Variants in MTRF1L observed in about 807,000 individuals in gnomAD.
MTRF1L encodes the protein peptide chain release factor 1-like, mitochondrial.
MTRF1L carries 29 observed loss-of-function variants against 40.0 expected under a neutral mutation model. The ratio of observed to expected loss-of-function variants is 0.73; its 90% CI spans 0.54 to 0.99. The LOEUF is 0.99. Among genes scored for constraint, MTRF1L ranks in the 50% least tolerant of loss-of-function variants. The pLI, the probability that MTRF1L is intolerant of heterozygous loss-of-function variation, is 0.00. For synonymous variants in MTRF1L, 150 were observed against 175.8 expected, an observed-to-expected ratio of 0.85 and a Z score of 1.16; for missense variants, 412 against 464.5, an observed-to-expected ratio of 0.89 and a Z score of 1.04.
Position 152,989,848 on chromosome 6 carries a change from C to G in MTRF1L, c.*47G>C. The G allele has an allele frequency of 6.5e-7, 1 of 1,541,938 alleles. No individual in the cohort carries two copies. The highest frequency in any genetic ancestry group is 1.3e-5 in the South Asian group (1 of 76,926). Reference sequence around the variant, plus strand: ...GGTACTTTCACCCTATGTGGATGTACTGTAGAATTTTTCTAAGCTACGAAA... The same window carrying G: ...GGTACTTTCACCCTATGTGGATGTAGTGTAGAATTTTTCTAAGCTACGAAA... On this transcript the variant is annotated 3_prime_UTR_variant, in exon 7 of 7. Coordinates refer to ENST00000367233, the MANE Select transcript of MTRF1L (RefSeq NM_019041.7).
At chr6:152,993,124 A>G in intron 4 of MTRF1L, 150 bp from the exon 5 acceptor site, 1 of 636,854 alleles carries the variant, frequency 1.6e-6, no homozygotes, top group Non-Finnish European at 2.7e-6. Context: ...GAAGGATACC[A>G]TTTTAAAACT....
intron 1 of MTRF1L, 76 bp downstream of exon 1, chr6:153,002,351 T>C: frequency 6.2e-7 from 1 of 1,606,092 alleles, no homozygotes; most frequent in Non-Finnish European, 8.5e-7. Flanking sequence ...CAAACTCGGG[T>C]AGTGTGGGCA....
At chr6:152,991,435 CAG>C (rs1778512816) in intron 5 of MTRF1L, 114 bp from the exon 6 acceptor site, 9 of 1,206,528 alleles carry the variant, frequency 7.5e-6, no homozygotes, top group South Asian at 1.6e-5. Context: ...GGGGAAAAAA[CAG>C]AGGACTCTAA....
chr6:152,994,551 T>C lies in MTRF1L; in HGVS notation c.649A>G (p.Ser217Gly). The change falls in exon 4 of 7, where the codon AGC (serine) becomes GGC (glycine). Residue 217 changes from serine (S) to glycine (G), a missense_variant. Transcript: ENST00000367233. ...GGTAATATTGCTACAGTCATGGTGC[T>C]AGTATGGACGCGGCCTTGCTTTTCT... The part of the protein sequence containing the change: ...KTEKQGRVHT[S>G]TMTVAILPQP... The C allele has an allele frequency of 6.2e-7, 1 of 1,612,246 alleles. No individual in the cohort carries two copies. The highest frequency in any genetic ancestry group is 8.5e-7 in the Non-Finnish European group (1 of 1,179,920).
At position 152,996,986 on chromosome 6, in the gene MTRF1L, G is replaced by A. The variant is rs150882814; in HGVS notation, c.339+1564C>T. ...GTTTGAGGTACTAAAAAGGGTATCAGTTTGCAAAGAGCCCCATCAGAGCAA... is the reference window on the plus strand; with the variant it reads ...GTTTGAGGTACTAAAAAGGGTATCAATTTGCAAAGAGCCCCATCAGAGCAA... On this transcript the variant is annotated intron_variant, in intron 2 of 6. Transcript: ENST00000367233. 1.9e-3 allele frequency among the ~76,000 whole-genome samples: 292 copies of A among 152,248 alleles called. 1 individual carries two copies. Among genetic ancestry groups the A allele is most frequent in the African/African-American group, 6.7e-3 (280 of 41,554 alleles).
rs1180084167 is a variant in MTRF1L at position 153,002,462 on chromosome 6, T to G, written c.224A>C (p.Glu75Ala). Residue 75 changes from glutamate (E) to alanine (A), a missense_variant, in exon 1 of 7, where the codon GAG becomes GCG. By Grantham distance (107) the Glu-to-Ala change is moderately radical. Transcript: ENST00000367233. ...GTGCTCAGTCTCCCGCAGCTCCCGC[T>G]CCTTCTCGTTCAGCAGTTTGATCAC... ...LAVIKLLNEK[E>A]RELRETEHLL... The G allele has an allele frequency of 1.2e-6, 2 of 1,613,840 alleles. No homozygotes were observed. The highest frequency in any genetic ancestry group is 2.2e-5 in the South Asian group (2 of 91,060).
chr6:153,000,826 G>A (rs898767875), intron 1 of MTRF1L, among the ~76,000 whole-genome samples: 2 of 150,656 alleles, frequency 1.3e-5, no homozygotes, highest in African/African-American at 4.9e-5. Context: ...TTCAGTGTGA[G>A]CTGAAAAGGT....
chr6:152,996,648 C>CTTTA (rs1036684085), intron 2 of MTRF1L, among the ~76,000 whole-genome samples: 9 of 152,144 alleles, frequency 5.9e-5, no homozygotes, highest in African/African-American at 2.2e-4. Context: ...TGCTGTCAAC[C>CTTTA]TTTAGTCTCT....
chr6:152,989,948 T>G lies in MTRF1L; in HGVS notation c.1090A>C (p.Lys364Gln). ...YLLDELVQSLKEYADYESLVE... is the reference protein window; with the variant it reads ...YLLDELVQSLQEYADYESLVE... ...AAAGATTCATAATCGGCGTATTCCT[T>G]CAATGACTGTACAAGTTCATCCAGT... Residue 364 changes from lysine (K) to glutamine (Q), a missense_variant, in exon 7 of 7, where the codon AAG becomes CAG. By Grantham distance (53) the Lys-to-Gln change is moderately conservative. Coordinates refer to ENST00000367233, the MANE Select transcript of MTRF1L (RefSeq NM_019041.7). 2.5e-6 allele frequency: 4 copies of G among 1,613,648 alleles called. No individual in the cohort carries two copies. Among genetic ancestry groups the G allele is most frequent in the Non-Finnish European group, 3.4e-6 (4 of 1,179,822 alleles).
chr6:152,998,372 C>T (rs568782664), intron 2 of MTRF1L, 178 bp downstream of exon 2: 142 of 439,998 alleles, frequency 3.2e-4, no homozygotes, highest in Non-Finnish European at 5.2e-4. Flanking sequence ...ACATCATATA[C>T]CTTAAATATA....
chr6:152,991,423 G>A, intron 5 of MTRF1L, 102 bp from the exon 6 acceptor site: 2 of 1,322,408 alleles, frequency 1.5e-6, no homozygotes, highest in Non-Finnish European at 2.0e-6. Context: ...CTTCCTTTAT[G>A]AGGGGAAAAA....
chr6:152,994,588 T>G lies in MTRF1L; in HGVS notation c.612A>C (p.Arg204Ser), dbSNP rs767451675. 6.8e-6 allele frequency: 11 copies of G among 1,613,478 alleles called. No individual in the cohort carries two copies. Among genetic ancestry groups the G allele is most frequent in the Non-Finnish European group, 9.3e-6 (11 of 1,180,030 alleles). ...KFEGGVHRVQ[R>S]VPKTEKQGRV... ...GGCCTTGCTTTTCTGTCTTTGGCAC[T>G]CTTTGTACTCTGTGAACACCTCCTT... Residue 204 changes from arginine (R) to serine (S), a missense_variant, in exon 4 of 7, where the codon AGA becomes AGC. Transcript: ENST00000367233.
intron 3 of MTRF1L, 58 bp from the exon 4 acceptor site, chr6:152,994,734 G>T (rs766539121): frequency 6.3e-7 from 1 of 1,584,084 alleles, no homozygotes; most frequent in Non-Finnish European, 8.7e-7. Flanking sequence ...ATAAATAATT[G>T]ACCATCACAT....
At chr6:152,997,561 G>A (rs1391328167) in intron 2 of MTRF1L, among the ~76,000 whole-genome samples, 1 of 152,214 alleles carries the variant, frequency 6.6e-6, no homozygotes, top group Non-Finnish European at 1.5e-5. Context: ...GGTGGAAGGG[G>A]TCGAGTCAAA....
intron 3 of MTRF1L, 24 bp from the exon 4 acceptor site, chr6:152,994,700 T>A: frequency 6.2e-7 from 1 of 1,612,696 alleles, no homozygotes; most frequent in Non-Finnish European, 8.5e-7. Flanking sequence ...GGAAATAGAA[T>A]TATTTTTATT....
Position 153,002,699 on chromosome 6 carries a change from T to A in MTRF1L, c.-14A>T, listed in dbSNP as rs1399389174. The A allele has an allele frequency of 5.4e-6, 8 of 1,469,804 alleles. No homozygotes were observed. In the East Asian group the frequency reaches 1.7e-4, roughly 32 times the overall value. The allele number at this position is 1,469,804 out of a possible 1,614,324, so 91.0% of individuals were successfully genotyped here. A position where few individuals can be genotyped will look rare whatever the true frequency, so the allele number is the denominator to read the frequency against. On this transcript the variant is annotated 5_prime_UTR_variant, in exon 1 of 7. Transcript: ENST00000367233. ...CCGGGACCGCATCCTTAGTCCGAGATCGCGGACCCTGACCGGAACCGGAAG... is the reference window on the plus strand; with the variant it reads ...CCGGGACCGCATCCTTAGTCCGAGAACGCGGACCCTGACCGGAACCGGAAG...
rs1562307286 is a variant in MTRF1L at position 153,002,537 on chromosome 6, T to C, written c.149A>G (p.Gln50Arg). 1 of 1,604,566 alleles carries C rather than the reference T, an allele frequency of 6.2e-7. No homozygotes were observed. Among genetic ancestry groups the C allele is most frequent in the Admixed American group, 1.7e-5 (1 of 58,748 alleles). The change falls in exon 1 of 7, where the codon CAG becomes CGG. Residue 50 changes from glutamine (Q) to arginine (R), a missense_variant. Gln to Arg is a conservative substitution (Grantham distance 43, BLOSUM62 1). Transcript: ENST00000367233. ...CTTCAAATGGGCTTCAGACCCCGCC[T>C]GGCGCTCGAGGAAGGTCCGCAAGGG... is the stretch of plus-strand genomic sequence containing the variant. ...GGPLRTFLERQAGSEAHLKVR... is the reference protein window; with the variant it reads ...GGPLRTFLERRAGSEAHLKVR...
chr6:152,993,054 T>C lies in MTRF1L; in HGVS notation c.688-80A>G, dbSNP rs1220624867. 4 of 933,412 alleles carry C rather than the reference T, an allele frequency of 4.3e-6. No individual in the cohort carries two copies. In the African/African-American group the frequency reaches 6.5e-5, roughly 15 times the overall value. The allele number at this position is 933,412 out of a possible 1,614,324, so 57.8% of individuals were successfully genotyped here. ...GGCAAGAGCGACCCATTTATGAATA[T>C]ACAACATGTACAGAATTCATATATT... On this transcript the variant is annotated intron_variant, in intron 4 of 6. Transcript: ENST00000367233.
At chr6:152,991,128 T>C in intron 6 of MTRF1L, 57 bp downstream of exon 6, 1 of 1,199,166 alleles carries the variant, frequency 8.3e-7, no homozygotes, top group Non-Finnish European at 1.1e-6. Flanking sequence ...TAAAAAAAGC[T>C]GAGTTATATA....
Sources: gnomAD v4.1 joint callset for allele counts (sites outside exome capture counted in the v4.1 genomes callset) on GRCh38, gnomAD v4.1.1 for gene constraint, MANE v1.5 for transcripts, NCBI Gene and HGNC (gene_info 2026-07-23, HGNC 2026-07-21) for gene names.